The following PARD3 variants were observed in gnomAD, a reference collection of about 807,000 sequenced individuals.
PARD3 encodes the protein partitioning defective 3 homolog.
Under a neutral mutation model 155.4 loss-of-function variants are expected in PARD3, and 75 were observed. That is an observed-to-expected ratio of 0.48 (90% CI 0.40 to 0.58). The LOEUF (loss-of-function observed/expected upper bound fraction) is 0.58, where lower values mean the gene tolerates loss of function less well. Ranked by LOEUF, PARD3 falls within the 20% of genes least tolerant of loss-of-function variation. The pLI is 0.00. For missense variants in PARD3, 1,642 were observed against 1,721.7 expected, an observed-to-expected ratio of 0.95 and a Z score of 0.82; for synonymous variants, 576 against 610.5, an observed-to-expected ratio of 0.94 and a Z score of 0.83.
intron 3 of PARD3, among the ~76,000 whole-genome samples, chr10:34,474,900 C>T (rs1263586828): frequency 2.0e-5 from 3 of 152,016 alleles, no homozygotes; most frequent in East Asian, 1.9e-4. Context: ...GAGGAAGAAA[C>T]GTTACATTAG....
intron 4 of PARD3, among the ~76,000 whole-genome samples, chr10:34,462,354 T>A (rs1589663535): frequency 1.3e-5 from 2 of 151,910 alleles, no homozygotes; most frequent in Admixed American, 1.3e-4. Flanking sequence ...ATAAACAACT[T>A]CTTCTCAGCA....
At chr10:34,559,044 C>T (rs948105877) in intron 2 of PARD3, among the ~76,000 whole-genome samples, 1 of 151,566 alleles carries the variant, frequency 6.6e-6, no homozygotes, top group African/African-American at 2.4e-5. Flanking sequence ...CTCATTTTTC[C>T]CCCCCACAGA....
intron 3 of PARD3, among the ~76,000 whole-genome samples, chr10:34,483,072 C>T (rs2079195356): frequency 6.6e-6 from 1 of 152,046 alleles, no homozygotes; most frequent in South Asian, 2.1e-4. Context: ...AGGAGAATAG[C>T]TTGAATCTGG....
intron 2 of PARD3, among the ~76,000 whole-genome samples, chr10:34,572,404 C>T (rs1338163952): frequency 1.3e-5 from 2 of 151,948 alleles, no homozygotes; most frequent in East Asian, 1.9e-4. Context: ...TCTGGGAGGC[C>T]GAGGCAAGCG....
chr10:34,175,220 A>T (rs1949981750), intron 22 of PARD3, among the ~76,000 whole-genome samples: 1 of 152,204 alleles, frequency 6.6e-6, no homozygotes, highest in Non-Finnish European at 1.5e-5. Context: ...ATGGAGAGCT[A>T]AGCATCGAGC....
chr10:34,520,534 G>C (rs776301424), intron 2 of PARD3, among the ~76,000 whole-genome samples: 18 of 152,148 alleles, frequency 1.2e-4, no homozygotes, highest in Admixed American at 6.5e-5. Flanking sequence ...GCCTGTATTA[G>C]AGACACAGAC....
At chr10:34,604,450 A>G (rs2090051756) in intron 2 of PARD3, among the ~76,000 whole-genome samples, 1 of 151,824 alleles carries the variant, frequency 6.6e-6, no homozygotes, top group South Asian at 2.1e-4. Context: ...CTCCCCTCAA[A>G]TATCAGACTC....
At chr10:34,527,165 T>C (rs2082543143) in intron 2 of PARD3, among the ~76,000 whole-genome samples, 2 of 152,198 alleles carry the variant, frequency 1.3e-5, no homozygotes, top group Admixed American at 6.5e-5. Context: ...GTTAAGCAAT[T>C]TGCACAAAGT....
chr10:34,426,369 A>G (rs2075605105), intron 5 of PARD3, among the ~76,000 whole-genome samples: 1 of 152,236 alleles, frequency 6.6e-6, no homozygotes, highest in Admixed American at 6.5e-5. Flanking sequence ...AACTGAAAAC[A>G]CAGTAAACAG....
intron 2 of PARD3, among the ~76,000 whole-genome samples, chr10:34,646,085 G>A (rs2092828988): frequency 6.6e-6 from 1 of 152,056 alleles, no homozygotes; most frequent in Admixed American, 6.5e-5. Flanking sequence ...CACAAAACAG[G>A]CAAGTTAGAA....
intron 11 of PARD3, among the ~76,000 whole-genome samples, chr10:34,373,066 G>A (rs964354150): frequency 2.6e-5 from 4 of 151,776 alleles, no homozygotes; most frequent in Admixed American, 6.6e-5. Context: ...AAAAGGCACC[G>A]ATTGATAAAA....
rs1564416190 is a variant in PARD3 at position 34,129,685 on chromosome 10, TG to T, written c.3540+1777del. On this transcript the variant is annotated intron_variant, in intron 23 of 24. Transcript: ENST00000374788. ...CTCAAATCAAATGTTCCTTTTTTTT[TG>T]TAATGTCAAGCCTCTTTTTTTTTTT... Among the ~76,000 whole-genome samples, 17 of 91,160 alleles carry T rather than the reference TG, an allele frequency of 1.9e-4. 2 individuals carry two copies. The highest frequency in any genetic ancestry group is 2.7e-4 in the African/African-American group (7 of 26,164). The allele number at this position is 91,160 out of a possible 152,430, so 59.8% of individuals were successfully genotyped here.
At chr10:34,705,949 C>T (rs2094356135) in intron 1 of PARD3, among the ~76,000 whole-genome samples, 2 of 152,204 alleles carry the variant, frequency 1.3e-5, no homozygotes, top group Admixed American at 1.3e-4. Flanking sequence ...CAGGGTCACA[C>T]ATTATTCAAT....
At chr10:34,424,508 T>TTTTA (rs551988460) in intron 5 of PARD3, among the ~76,000 whole-genome samples, 1,977 of 152,024 alleles carry the variant, frequency 0.013, 16 homozygotes, top group Middle Eastern at 0.041. Context: ...ACTTTACATT[T>TTTTA]TTTATTTATT....
intron 1 of PARD3, among the ~76,000 whole-genome samples, chr10:34,769,682 C>CA (rs1468476982): frequency 6.6e-6 from 1 of 151,108 alleles, no homozygotes; most frequent in Non-Finnish European, 1.5e-5. Flanking sequence ...CACTTGAGCC[C>CA]AGGAGGTCAA....
chr10:34,624,552 G>A (rs955746746), intron 2 of PARD3, among the ~76,000 whole-genome samples: 2 of 152,226 alleles, frequency 1.3e-5, no homozygotes, highest in African/African-American at 4.8e-5. Flanking sequence ...GGTGCACTCA[G>A]CGGCTGATGT....
intron 1 of PARD3, among the ~76,000 whole-genome samples, chr10:34,784,139 TG>T (rs1288952161): frequency 1.3e-5 from 2 of 151,770 alleles, no homozygotes; most frequent in Non-Finnish European, 2.9e-5. Flanking sequence ...AGAGCTGGGG[TG>T]GTGGAGGCTG....
intron 2 of PARD3, among the ~76,000 whole-genome samples, chr10:34,628,062 C>CCA (rs1311182668): frequency 6.6e-6 from 1 of 152,120 alleles, no homozygotes; most frequent in Non-Finnish European, 1.5e-5. Flanking sequence ...ATTTGCACAG[C>CCA]CATGATGAAG....
chr10:34,553,740 A>AC (rs1412148004), intron 2 of PARD3, among the ~76,000 whole-genome samples: 3 of 152,166 alleles, frequency 2.0e-5, no homozygotes, highest in African/African-American at 7.2e-5. Context: ...TATTTTATTA[A>AC]CCCCCTTGGA....
Sources: gnomAD v4.1 joint callset for allele counts (sites outside exome capture counted in the v4.1 genomes callset) on GRCh38, gnomAD v4.1.1 for gene constraint, MANE v1.5 for transcripts, NCBI Gene and HGNC (gene_info 2026-07-23, HGNC 2026-07-21) for gene names.